PNPLA5: variants seen among roughly 807,000 people sequenced by gnomAD.
The protein encoded by PNPLA5 is patatin like domain 5, triacylglycerol lipase, also known as patatin-like phospholipase domain-containing protein 5.
Under a neutral mutation model 49.1 loss-of-function variants are expected in PNPLA5, and 44 were observed. The ratio of observed to expected loss-of-function variants is 0.90; its 90% confidence interval spans 0.70 to 1.15. The LOEUF (loss-of-function observed/expected upper bound fraction) is 1.15. Ranked by LOEUF, PNPLA5 falls within the 50% of genes most tolerant of loss-of-function variation. PNPLA5 has a pLI of 0.00. For missense variants in PNPLA5, 603 were observed against 564.0 expected (o/e 1.07, Z -0.70); for synonymous variants, 243 against 244.4 (o/e 0.99, Z 0.06).
chr22:43,891,559 T>G, intron 1 of PNPLA5, 129 bp downstream of exon 1: 2 of 1,312,152 alleles, frequency 1.5e-6, no homozygotes, highest in Non-Finnish European at 2.0e-6. Context: ...GGTGTTCTCA[T>G]GGGATTAAAT....
rs770203375 is a variant in PNPLA5, at chr22:43,881,602, G to C, written c.1155C>G (p.Leu385=). ...WMQGLLRNMA[L]EVFSRTKAQL... is the part of the protein sequence containing the mutation. ...GGGCCTTGGTCCTGGAGAAAACCTC[G>C]AGGGCCATGTTCCTCAGCAGGCCCT... Residue 385 remains leucine, a synonymous_variant, in exon 8 of 9, where the codon CTC becomes CTG. Coordinates refer to ENST00000216177, the MANE Select transcript of PNPLA5 (RefSeq NM_138814.4). 6.2e-7 allele frequency: 1 copy of C among 1,612,026 alleles called. No homozygotes were observed.
chr22:43,882,297 G>A lies in PNPLA5; in HGVS notation c.1083-623C>T, dbSNP rs548098846. Reference sequence around the variant, plus strand: ...AGATTCAGGGTCCTTGGAACTGCGTGTTATCCCAGCACAGAGGAGAGACAG... The same window carrying A: ...AGATTCAGGGTCCTTGGAACTGCGTATTATCCCAGCACAGAGGAGAGACAG... On this transcript the variant is annotated intron_variant, in intron 7 of 8. Transcript: ENST00000216177. Among the ~76,000 whole-genome samples, 4 of 152,352 alleles carry A rather than the reference G, an allele frequency of 2.6e-5. No homozygotes were observed. In the South Asian group the frequency reaches 6.2e-4, roughly 24 times the overall value.
At position 43,884,348 on chromosome 22, in the gene PNPLA5, G is replaced by T; in HGVS notation, c.950-3C>A. 2 of 1,554,670 alleles carry T rather than the reference G, an allele frequency of 1.3e-6. No individual in the cohort carries two copies. Among genetic ancestry groups the T allele is most frequent in the Non-Finnish European group, 8.7e-7 (1 of 1,149,230 alleles). The stretch of plus-strand genomic sequence containing the variant: ...CCTCGTACATGCTTTCTTCAGTGCT[G>T]CAAGAGAAGCCCTGGCATGGCCCTG... On this transcript the variant is annotated splice_region_variant and splice_polypyrimidine_tract_variant and intron_variant, in intron 6 of 8. Coordinates refer to ENST00000216177, the MANE Select transcript of PNPLA5 (RefSeq NM_138814.4).
intron 6 of PNPLA5, among the ~76,000 whole-genome samples, chr22:43,885,726 C>T (rs1049129107): frequency 1.3e-5 from 2 of 152,172 alleles, no homozygotes; most frequent in African/African-American, 4.8e-5. Context: ...AGTCACACAG[C>T]GGGCGGGCAG....
At chr22:43,883,149 G>A (rs1305288177) in intron 7 of PNPLA5, among the ~76,000 whole-genome samples, 3 of 152,152 alleles carry the variant, frequency 2.0e-5, no homozygotes, top group East Asian at 1.9e-4. Context: ...CCTGGTGGAC[G>A]CTGACTCATC....
intron 4 of PNPLA5, 35 bp from the exon 5 acceptor site, chr22:43,887,686 G>A: frequency 6.3e-7 from 1 of 1,580,374 alleles, no homozygotes. Flanking sequence ...AGATGGGCAA[G>A]GCCTGGACCT....
chr22:43,887,851 C>T (rs1057160533), intron 4 of PNPLA5, 200 bp from the exon 5 acceptor site: 15 of 795,938 alleles, frequency 1.9e-5, no homozygotes, highest in African/African-American at 1.5e-4. Context: ...GGCCTGCAGG[C>T]AGAACAGATC....
chr22:43,880,906 A>G, intron 8 of PNPLA5, 21 bp from the exon 9 acceptor site: 1 of 1,318,120 alleles, frequency 7.6e-7, no homozygotes, highest in Non-Finnish European at 9.8e-7. Context: ...AGGAGAAGCC[A>G]CGGGTAAATG....
intron 6 of PNPLA5, among the ~76,000 whole-genome samples, chr22:43,885,156 C>T (rs1371477959): frequency 1.3e-5 from 2 of 152,222 alleles, no homozygotes; most frequent in South Asian, 2.1e-4. Context: ...GGTGCTCCAC[C>T]CGAGGCAGCT....
intron 1 of PNPLA5, 127 bp from the exon 2 acceptor site, chr22:43,891,421 C>T (rs962009113): frequency 7.1e-7 from 1 of 1,412,286 alleles, no homozygotes; most frequent in South Asian, 1.5e-5. Context: ...AATTTCTGGG[C>T]TCGGCCCCGG....
At chr22:43,884,503 T>A in intron 6 of PNPLA5, 158 bp from the exon 7 acceptor site, 1 of 724,196 alleles carries the variant, frequency 1.4e-6, no homozygotes, top group Non-Finnish European at 1.7e-6. Context: ...AGCAGGTAGC[T>A]CTGCGCTCAT....
At position 43,880,818 on chromosome 22, in the gene PNPLA5, G is replaced by C; in HGVS notation, c.1267C>G (p.Leu423Val). The C allele has an allele frequency of 7.5e-7, 1 of 1,342,136 alleles. No homozygotes were observed. Among genetic ancestry groups the C allele is most frequent in the Non-Finnish European group, 9.6e-7 (1 of 1,039,782 alleles). The allele number at this position is 1,342,136 out of a possible 1,614,324, so 83.1% of individuals were successfully genotyped here. A position where few individuals can be genotyped will look rare whatever the true frequency, so the allele number is the denominator to read the frequency against. ...CCTCAGGCCTGGTGGGTGGGCCCGA[G>C]CTCCTCTCTATGAGGAGCTATCTGG... is the stretch of plus-strand genomic sequence containing the variant. Reference protein sequence around the residue: ...QPQIAPHREELGPTHQA With the variant: ...QPQIAPHREEVGPTHQA Residue 423 changes from leucine to valine, a missense_variant, in exon 9 of 9, where the codon CTC (leucine) becomes GTC (valine). Leu to Val is a conservative substitution (Grantham distance 32). Coordinates refer to ENST00000216177, the MANE Select transcript of PNPLA5 (RefSeq NM_138814.4).
chr22:43,886,180 AG>A, intron 6 of PNPLA5, 122 bp downstream of exon 6: 1 of 1,063,466 alleles, frequency 9.4e-7, no homozygotes, highest in South Asian at 1.9e-5. Flanking sequence ...GGCATTTAGT[AG>A]GTGCTCAGTA....
chr22:43,880,939 T>C, intron 8 of PNPLA5, 54 bp from the exon 9 acceptor site: 1 of 1,297,154 alleles, frequency 7.7e-7, no homozygotes, highest in Non-Finnish European at 9.8e-7. Context: ...GAAGGGTAGG[T>C]GAAACCACGT....
chr22:43,886,034 G>A (rs2049660460), intron 6 of PNPLA5, among the ~76,000 whole-genome samples: 1 of 152,226 alleles, frequency 6.6e-6, no homozygotes. Flanking sequence ...TGCAGGCTCT[G>A]AGCCCTTGGT....
rs1204484005 is a variant in PNPLA5 at position 43,891,781 on chromosome 22, G to T, written c.100C>A (p.Arg34=). ...HVGATECLRQ[R]APRLLQGARR... is the part of the protein sequence containing the mutation. ...GCGCCCTGGAGGAGGCGCGGGGCTC[G>T]CTGGCGCAGGCATTCGGTGGCGCCC... Residue 34 remains arginine, a synonymous_variant, in exon 1 of 9, where the codon CGA becomes AGA. Transcript: ENST00000216177. 2.0e-6 allele frequency: 3 copies of T among 1,529,242 alleles called. No individual in the cohort carries two copies. The highest frequency in any genetic ancestry group is 2.6e-6 in the Non-Finnish European group (3 of 1,141,020). 94.7% of individuals were successfully genotyped at this position (1,529,242 alleles called of 1,614,324 possible).
chr22:43,880,758 G>A lies in PNPLA5; in HGVS notation c.*37C>T. 1 of 1,302,744 alleles carries A rather than the reference G, an allele frequency of 7.7e-7. No homozygotes were observed. 80.7% of individuals were successfully genotyped at this position (1,302,744 alleles called of 1,614,324 possible). A position where few individuals can be genotyped will look rare whatever the true frequency, so the allele number is the denominator to read the frequency against. On this transcript the variant is annotated 3_prime_UTR_variant, in exon 9 of 9. Transcript: ENST00000216177. Reference sequence around the variant, plus strand: ...GGACAAAGGCCAGAGCAGGAATCAAGGGACACCAGTCACTGGGCTGGCCCT... The same window carrying A: ...GGACAAAGGCCAGAGCAGGAATCAAAGGACACCAGTCACTGGGCTGGCCCT...
At chr22:43,883,113 C>T (rs776373728) in intron 7 of PNPLA5, among the ~76,000 whole-genome samples, 2 of 152,186 alleles carry the variant, frequency 1.3e-5, no homozygotes, top group Non-Finnish European at 2.9e-5. Flanking sequence ...TTCCATCTGC[C>T]GAGAACATTC....
At position 43,884,239 on chromosome 22, in the gene PNPLA5, GA is replaced by G; in HGVS notation, c.1055del (p.Phe352SerfsTer29). On this transcript the variant is annotated frameshift_variant, in exon 7 of 9. Transcript: ENST00000216177. LOFTEE classifies it high-confidence loss of function. ...TTCTGCTGCGGAAGTAGATGTACTCGAAGGGCAGTGTGCAGGGTAGCAGCAG... is the reference window on the plus strand; with the variant it reads ...TTCTGCTGCGGAAGTAGATGTACTCGAGGGCAGTGTGCAGGGTAGCAGCAG... ...TYLLLPCTLP[F>X]EYIYFRSRRL... 1 of 1,577,884 alleles carries G rather than the reference GA, an allele frequency of 6.3e-7. No individual in the cohort carries two copies. Among genetic ancestry groups the G allele is most frequent in the Non-Finnish European group, 8.6e-7 (1 of 1,161,212 alleles).
Sources: allele counts gnomAD v4.1 joint callset (sites outside exome capture counted in the v4.1 genomes callset), GRCh38; gene constraint gnomAD v4.1.1; transcripts MANE v1.5; gene names NCBI Gene and HGNC (gene_info 2026-07-23, HGNC 2026-07-21).